Variants in HS3ST4 observed in about 807,000 individuals in gnomAD.
HS3ST4 encodes heparan sulfate-glucosamine 3-sulfotransferase 4.
A neutral mutation model predicts 29.2 loss-of-function variants in HS3ST4; 17 were observed. The ratio of observed to expected loss-of-function variants is 0.58; its 90% CI spans 0.40 to 0.87. The LOEUF (loss-of-function observed/expected upper bound fraction) is 0.87. Ranked by LOEUF, HS3ST4 falls within the 40% of genes least tolerant of loss-of-function variation. HS3ST4 has a pLI of 0.00. For missense variants in HS3ST4, 627 were observed against 634.5 expected (o/e 0.99, Z 0.13); for synonymous variants, 314 against 285.7 (o/e 1.10, Z -1.00).
chr16:25,783,176 G>A (rs542216600), intron 1 of HS3ST4, among the ~76,000 whole-genome samples: 1 of 152,208 alleles, frequency 6.6e-6, no homozygotes, highest in Admixed American at 6.5e-5. Flanking sequence ...GTCATTGTCA[G>A]TGAAAGCAGT....
intron 1 of HS3ST4, among the ~76,000 whole-genome samples, chr16:25,738,548 G>T (rs890511031): frequency 2.0e-5 from 3 of 152,172 alleles, no homozygotes; most frequent in Non-Finnish European, 4.4e-5. Flanking sequence ...GGTGGGTGGG[G>T]TGGGGTGTCA....
intron 1 of HS3ST4, among the ~76,000 whole-genome samples, chr16:25,828,323 T>TTC (rs1967255714): frequency 1.4e-5 from 2 of 138,154 alleles, no homozygotes; most frequent in African/African-American, 2.8e-5. Flanking sequence ...TCTCTCTCTC[T>TTC]CTCTCTCTCT....
chr16:25,873,468 ATCCATCTATCTC>A (rs1337631553), intron 1 of HS3ST4, among the ~76,000 whole-genome samples: 1,210 of 84,838 alleles, frequency 0.014, 28 homozygotes, highest in African/African-American at 0.048. Context: ...TTACCCACCC[ATCCATCTATCTC>A]TCTATCTATC....
intron 1 of HS3ST4, among the ~76,000 whole-genome samples, chr16:25,796,390 T>C (rs1332497762): frequency 6.6e-6 from 1 of 152,100 alleles, no homozygotes; most frequent in Admixed American, 6.5e-5. Context: ...GTTACTGGCT[T>C]TTATTATTGC....
At chr16:25,901,601 G>A (rs1216846957) in intron 1 of HS3ST4, among the ~76,000 whole-genome samples, 1 of 152,156 alleles carries the variant, frequency 6.6e-6, no homozygotes, top group Non-Finnish European at 1.5e-5. Flanking sequence ...TTGAACCCAG[G>A]AGGCAGAGGT....
chr16:25,878,008 G>A (rs575795537), intron 1 of HS3ST4, among the ~76,000 whole-genome samples: 1 of 152,200 alleles, frequency 6.6e-6, no homozygotes, highest in African/African-American at 2.4e-5. Context: ...GTGTCTCTGT[G>A]GAAGGAATCT....
intron 1 of HS3ST4, among the ~76,000 whole-genome samples, chr16:25,864,013 C>A (rs1280884096): frequency 1.3e-5 from 2 of 151,672 alleles, no homozygotes; most frequent in Admixed American, 6.6e-5. Flanking sequence ...CTGCTGCCTG[C>A]CGCCTCTTCG....
intron 1 of HS3ST4, among the ~76,000 whole-genome samples, chr16:25,709,966 G>A (rs935304651): frequency 3.3e-5 from 5 of 152,142 alleles, no homozygotes; most frequent in Middle Eastern, 3.4e-3. Context: ...CTTCCTGCCC[G>A]GATTCGCTTC....
intron 1 of HS3ST4, among the ~76,000 whole-genome samples, chr16:25,843,763 C>T (rs1277405646): frequency 3.3e-5 from 5 of 152,172 alleles, no homozygotes; most frequent in Non-Finnish European, 5.9e-5. Flanking sequence ...GTTACATATA[C>T]GGCAGCAGCC....
intron 1 of HS3ST4, among the ~76,000 whole-genome samples, chr16:25,904,198 G>T (rs561723803): frequency 9.3e-5 from 14 of 151,172 alleles, no homozygotes; most frequent in Non-Finnish European, 1.3e-4. Flanking sequence ...ATGGACAGAT[G>T]AATGGATGGA....
intron 1 of HS3ST4, among the ~76,000 whole-genome samples, chr16:25,960,290 T>G (rs1425213741): frequency 6.6e-6 from 1 of 152,216 alleles, no homozygotes; most frequent in Non-Finnish European, 1.5e-5. Context: ...TTGTACAGTC[T>G]GCAGAACTGT....
intron 1 of HS3ST4, among the ~76,000 whole-genome samples, chr16:25,771,964 G>A (rs1044502141): frequency 6.6e-6 from 1 of 152,154 alleles, no homozygotes; most frequent in Non-Finnish European, 1.5e-5. Context: ...GTGGAAGATA[G>A]GATAACGTTT....
intron 1 of HS3ST4, among the ~76,000 whole-genome samples, chr16:25,849,282 G>A (rs1217492743): frequency 2.0e-5 from 3 of 152,076 alleles, no homozygotes; most frequent in Non-Finnish European, 2.9e-5. Flanking sequence ...ACATGCAGAC[G>A]TATTTATGTA....
intron 1 of HS3ST4, among the ~76,000 whole-genome samples, chr16:26,079,434 C>T (rs1207472639): frequency 6.6e-6 from 1 of 152,162 alleles, no homozygotes; most frequent in Non-Finnish European, 1.5e-5. Context: ...CCTGGAAGCC[C>T]TGTAGCTTCC....
chr16:25,737,345 A>G (rs559838082), intron 1 of HS3ST4, among the ~76,000 whole-genome samples: 1 of 126,906 alleles, frequency 7.9e-6, no homozygotes, highest in East Asian at 2.4e-4. Flanking sequence ...ATAAAAGTAT[A>G]TGTTTTAAGT....
At chr16:26,082,806 C>A (rs892131202) in intron 1 of HS3ST4, among the ~76,000 whole-genome samples, 1 of 152,168 alleles carries the variant, frequency 6.6e-6, no homozygotes, top group African/African-American at 2.4e-5. Flanking sequence ...CTTCATGGAG[C>A]AACCTTACCT....
chr16:25,987,314 A>C (rs1378668377), intron 1 of HS3ST4, among the ~76,000 whole-genome samples: 2 of 152,146 alleles, frequency 1.3e-5, no homozygotes, highest in African/African-American at 2.4e-5. Context: ...ACGCCATTGC[A>C]GTCCAGCCTG....
intron 1 of HS3ST4, among the ~76,000 whole-genome samples, chr16:26,038,209 G>A (rs1361730341): frequency 1.3e-5 from 2 of 152,024 alleles, no homozygotes; most frequent in African/African-American, 2.4e-5. Flanking sequence ...GCTCTTCCCC[G>A]ATTGCCCCTG....
chr16:25,873,582 A>C (rs1206614808), intron 1 of HS3ST4, among the ~76,000 whole-genome samples: 2 of 149,920 alleles, frequency 1.3e-5, no homozygotes, highest in African/African-American at 4.9e-5. Flanking sequence ...CCATTTGTCC[A>C]TCCATCCATT....
Sources: gnomAD v4.1 joint callset for allele counts (sites outside exome capture counted in the v4.1 genomes callset) on GRCh38, gnomAD v4.1.1 for gene constraint, MANE v1.5 for transcripts, NCBI Gene and HGNC (gene_info 2026-07-23, HGNC 2026-07-21) for gene names.